Variants in SLC4A4 observed in about 807,000 individuals in gnomAD.
The protein encoded by SLC4A4 is solute carrier family 4 member 4, also known as electrogenic sodium bicarbonate cotransporter 1.
SLC4A4 carries 27 observed loss-of-function variants against 111.5 expected under a neutral mutation model. That is an observed-to-expected ratio of 0.24 (90% CI 0.18 to 0.33). The LOEUF is 0.33. Among genes scored for constraint, SLC4A4 ranks in the 10% least tolerant of loss-of-function variants. SLC4A4 has a pLI of 1.00. For synonymous variants in SLC4A4, 443 were observed against 463.4 expected, an observed-to-expected ratio of 0.96 and a Z score of 0.57; for missense variants, 909 against 1,315.5, an observed-to-expected ratio of 0.69 and a Z score of 4.78.
intron 16 of SLC4A4, among the ~76,000 whole-genome samples, chr4:71,521,326 G>A (rs1560583607): frequency 6.6e-6 from 1 of 151,972 alleles, no homozygotes; most frequent in Non-Finnish European, 1.5e-5. Context: ...CAACCACCTG[G>A]GATCAAGCGA....
intron 6 of SLC4A4, among the ~76,000 whole-genome samples, chr4:71,388,141 A>C (rs1474568955): frequency 6.6e-6 from 1 of 152,160 alleles, no homozygotes; most frequent in South Asian, 2.1e-4. Flanking sequence ...TGAAAGTACT[A>C]TTCTTTTCTC....
At chr4:71,170,791 A>G (rs531934355) in intron 2 of SLC4A4, among the ~76,000 whole-genome samples, 5 of 152,340 alleles carry the variant, frequency 3.3e-5, no homozygotes, top group African/African-American at 1.2e-4. Flanking sequence ...TCTAAATGCT[A>G]TCAGTATGGA....
At chr4:71,486,476 A>T (rs1729416902) in intron 14 of SLC4A4, among the ~76,000 whole-genome samples, 1 of 151,478 alleles carries the variant, frequency 6.6e-6, no homozygotes, top group Non-Finnish European at 1.5e-5. Flanking sequence ...CACATTTTGC[A>T]AAGATAACCT....
At chr4:71,458,642 A>G (rs904154635) in intron 12 of SLC4A4, among the ~76,000 whole-genome samples, 20 of 152,006 alleles carry the variant, frequency 1.3e-4, no homozygotes, top group Admixed American at 6.6e-5. Flanking sequence ...TTGAGACTTT[A>G]TTTTAACATA....
At chr4:71,087,291 T>C (rs1170422258) in intron 1 of SLC4A4, among the ~76,000 whole-genome samples, 2 of 152,046 alleles carry the variant, frequency 1.3e-5, no homozygotes, top group Admixed American at 6.5e-5. Flanking sequence ...TTGAGTCTTC[T>C]CTCTTTTTTC....
intron 7 of SLC4A4, chr4:71,437,650 C>T: frequency 2.0e-6 from 1 of 503,342 alleles, no homozygotes; most frequent in Non-Finnish European, 4.0e-6. Context: ...ATCACCCAAA[C>T]CTTTTAATAA....
chr4:71,345,656 C>T (rs561601082), intron 4 of SLC4A4, among the ~76,000 whole-genome samples: 42 of 152,154 alleles, frequency 2.8e-4, no homozygotes, highest in African/African-American at 1.0e-3. Context: ...AGGGCATGGC[C>T]ATTAAGCACC....
chr4:71,480,305 T>C (rs989785830), intron 14 of SLC4A4, among the ~76,000 whole-genome samples: 1 of 151,416 alleles, frequency 6.6e-6, no homozygotes, highest in Non-Finnish European at 1.5e-5. Flanking sequence ...TGAACTTGCC[T>C]AGTTGTGGTG....
In SLC4A4 at chr4:71,545,256, C is replaced by T. The variant is rs141527670; in HGVS notation, c.2443-1094C>T. Among the ~76,000 whole-genome samples the T allele has an allele frequency of 3.2e-3, 479 of 152,016 alleles. 4 individuals are homozygous for T. Among genetic ancestry groups the T allele is most frequent in the African/African-American group, 0.011 (444 of 41,500 alleles). ...CATGATTAGATCCATGTGCGTGAGC[C>T]AGGGGTGAAATCTTGGCATTTCAGT... is the stretch of plus-strand genomic sequence containing the variant. On this transcript the variant is annotated intron_variant, in intron 18 of 25. Coordinates refer to ENST00000264485, the MANE Select transcript of SLC4A4 (RefSeq NM_001098484.3).
chr4:71,529,653 T>A (rs1322191602), intron 16 of SLC4A4, among the ~76,000 whole-genome samples: 3 of 152,160 alleles, frequency 2.0e-5, no homozygotes, highest in African/African-American at 7.2e-5. Context: ...CAGAGGTATA[T>A]GTCCTATGGG....
chr4:71,544,021 A>G (rs1735293675), intron 18 of SLC4A4, among the ~76,000 whole-genome samples: 1 of 152,110 alleles, frequency 6.6e-6, no homozygotes, highest in South Asian at 2.1e-4. Flanking sequence ...CACTCTGCTA[A>G]GGTATTCAGA....
At chr4:71,203,173 C>A (rs956938402) in intron 1 of SLC4A4, among the ~76,000 whole-genome samples, 8 of 151,930 alleles carry the variant, frequency 5.3e-5, no homozygotes, top group Admixed American at 5.2e-4. Context: ...ATAACAAGTC[C>A]TTTCTCCTTT....
At chr4:71,289,325 A>G (rs1449463746) in intron 3 of SLC4A4, among the ~76,000 whole-genome samples, 1 of 152,194 alleles carries the variant, frequency 6.6e-6, no homozygotes, top group Non-Finnish European at 1.5e-5. Flanking sequence ...GCATTGTTTT[A>G]TATCAGATTT....
chr4:71,344,529 T>A (rs1578881042), intron 4 of SLC4A4, among the ~76,000 whole-genome samples: 1 of 152,318 alleles, frequency 6.6e-6, no homozygotes. Context: ...AATCTTTTTC[T>A]GGCCAACTTA....
chr4:71,180,833 C>A (rs1194786095), intron 2 of SLC4A4, among the ~76,000 whole-genome samples: 3 of 151,826 alleles, frequency 2.0e-5, no homozygotes, highest in Non-Finnish European at 4.4e-5. Context: ...TTTGACCCAG[C>A]AATACCATTT....
intron 1 of SLC4A4, among the ~76,000 whole-genome samples, chr4:71,073,857 G>T (rs772943826): frequency 6.6e-5 from 10 of 152,056 alleles, no homozygotes; most frequent in Non-Finnish European, 1.3e-4. Context: ...GCTGAGGCGG[G>T]TTGACCACTT....
chr4:71,382,832 C>T (rs1465201209), intron 6 of SLC4A4, among the ~76,000 whole-genome samples: 1 of 152,136 alleles, frequency 6.6e-6, no homozygotes, highest in Non-Finnish European at 1.5e-5. Context: ...GTGTTGTGTT[C>T]CTGGTCCAGA....
chr4:71,391,121 C>T (rs1331277214), intron 6 of SLC4A4, among the ~76,000 whole-genome samples: 1 of 152,022 alleles, frequency 6.6e-6, no homozygotes, highest in East Asian at 1.9e-4. Flanking sequence ...ACATTTATTG[C>T]TAGTTTTATG....
At chr4:71,177,808 T>G (rs1340503426) in intron 2 of SLC4A4, among the ~76,000 whole-genome samples, 2 of 152,160 alleles carry the variant, frequency 1.3e-5, no homozygotes, top group African/African-American at 4.8e-5. Context: ...GGAATTGAAC[T>G]CAGCTCTGCA....
Sources: allele counts gnomAD v4.1 joint callset (sites outside exome capture counted in the v4.1 genomes callset), GRCh38; gene constraint gnomAD v4.1.1; transcripts MANE v1.5; gene names NCBI Gene and HGNC (gene_info 2026-07-23, HGNC 2026-07-21).